Variants in GABPB1 observed in about 807,000 individuals in gnomAD.
The protein encoded by GABPB1 is GA-binding protein subunit beta-1.
In GABPB1, 15 loss-of-function variants were observed where a neutral mutation model predicts 45.9. The ratio of observed to expected loss-of-function variants is 0.33; its 90% confidence interval spans 0.22 to 0.50. GABPB1 has a LOEUF of 0.50. Ranked by LOEUF, GABPB1 falls within the 20% of genes least tolerant of loss-of-function variation. GABPB1 has a pLI of 0.98. For synonymous variants in GABPB1, 143 were observed against 154.4 expected, an observed-to-expected ratio of 0.93 and a Z score of 0.55; for missense variants, 252 against 457.5, an observed-to-expected ratio of 0.55 and a Z score of 4.10.
Position 50,301,357 on chromosome 15 carries a change from C to A in GABPB1, c.483G>T (p.Gln161His). 6.2e-7 allele frequency: 1 copy of A among 1,610,410 alleles called. No homozygotes were observed. Among genetic ancestry groups the A allele is most frequent in the Non-Finnish European group, 8.5e-7 (1 of 1,178,372 alleles). ...DLAEILQIAM[Q>H]NQINTNPESP... Reference sequence around the variant, plus strand: ...TCTCTGGGTTTGTGTTGATTTGGTTCTGCATAGCAATCTAGGGAAAAAATG... The same window carrying A: ...TCTCTGGGTTTGTGTTGATTTGGTTATGCATAGCAATCTAGGGAAAAAATG... Residue 161 changes from glutamine (Q) to histidine (H), a missense_variant, in exon 5 of 9, where the codon CAG becomes CAT. Gln to His is a conservative substitution (Grantham distance 24). Around this residue, in one of 4 missense-constraint regions of GABPB1, gnomAD observed 193 missense variants for 259.9 expected, o/e 0.74. Coordinates refer to ENST00000380877, the MANE Select transcript of GABPB1 (RefSeq NM_016654.5).
At chr15:50,316,044 C>T (rs1169323111) in intron 1 of GABPB1, among the ~76,000 whole-genome samples, 2 of 151,872 alleles carry the variant, frequency 1.3e-5, no homozygotes, top group Admixed American at 1.3e-4. Context: ...GCCTGGGCAA[C>T]AGAGCAAGAC....
intron 4 of GABPB1, among the ~76,000 whole-genome samples, chr15:50,302,380 C>T (rs1030622331): frequency 2.0e-5 from 3 of 152,034 alleles, no homozygotes; most frequent in Non-Finnish European, 2.9e-5. Flanking sequence ...CAGTGGCTCA[C>T]GCCTGTAATC....
intron 1 of GABPB1, among the ~76,000 whole-genome samples, chr15:50,316,879 T>G (rs1320325983): frequency 1.3e-5 from 2 of 152,170 alleles, no homozygotes; most frequent in Non-Finnish European, 2.9e-5. Context: ...TTTAGTTTAA[T>G]ATTATCAATT....
intron 1 of GABPB1, among the ~76,000 whole-genome samples, chr15:50,348,604 C>T (rs1396653376): frequency 6.6e-6 from 1 of 151,268 alleles, no homozygotes; most frequent in Non-Finnish European, 1.5e-5. Context: ...TGGCTCACAC[C>T]TGTAATTGCT....
chr15:50,282,502 C>T, intron 8 of GABPB1: 4 of 243,808 alleles, frequency 1.6e-5, no homozygotes, highest in Non-Finnish European at 3.2e-5. Flanking sequence ...TGCAGTGAGC[C>T]ATGATTGCAC....
chr15:50,289,965 T>G (rs1446514755), intron 6 of GABPB1, among the ~76,000 whole-genome samples: 1 of 151,952 alleles, frequency 6.6e-6, no homozygotes, highest in South Asian at 2.1e-4. Context: ...GATGGGGTCT[T>G]GCTATGTTGG....
intron 1 of GABPB1, among the ~76,000 whole-genome samples, chr15:50,346,587 G>GT (rs67151288): frequency 0.16 from 19,007 of 119,568 alleles, 3,170 homozygotes; most frequent in African/African-American, 0.37. Context: ...ACAACAGAAA[G>GT]TTTTTTTTTT....
chr15:50,294,813 G>A (rs2046459428), intron 6 of GABPB1, among the ~76,000 whole-genome samples: 1 of 151,868 alleles, frequency 6.6e-6, no homozygotes, highest in Admixed American at 6.6e-5. Flanking sequence ...CCCCTGTTTT[G>A]ACACATAAGA....
chr15:50,324,130 C>T (rs545955744), intron 1 of GABPB1, among the ~76,000 whole-genome samples: 1 of 151,994 alleles, frequency 6.6e-6, no homozygotes, highest in South Asian at 2.1e-4. Flanking sequence ...CTGAGCCCAG[C>T]GAGGTCAAGG....
At chr15:50,313,245 T>C (rs1054265795) in intron 1 of GABPB1, among the ~76,000 whole-genome samples, 7 of 151,982 alleles carry the variant, frequency 4.6e-5, no homozygotes, top group East Asian at 1.9e-4. Context: ...GAAAAGAAAA[T>C]AGAAATAATT....
At chr15:50,327,631 T>C (rs745671029) in intron 1 of GABPB1, among the ~76,000 whole-genome samples, 50 of 152,230 alleles carry the variant, frequency 3.3e-4, no homozygotes, top group Middle Eastern at 3.4e-3. Context: ...TGACCGGGCG[T>C]GGTGGCTCAT....
At position 50,348,512 on chromosome 15, in the gene GABPB1, A is replaced by C. The variant is rs2048692710; in HGVS notation, c.-1+6473T>G. Among the ~76,000 whole-genome samples the C allele has an allele frequency of 2.0e-5, 3 of 150,692 alleles. No individual in the cohort carries two copies. The South Asian group carries it at 6.5e-4, about 32-fold the overall frequency. ...GTGATCCGCCCGCCTCGGCCTCCCA[A>C]AGTGCTGGGATTACAGGCATGAGAC... On this transcript the variant is annotated intron_variant, in intron 1 of 8. Transcript: ENST00000380877.
intron 6 of GABPB1, among the ~76,000 whole-genome samples, chr15:50,300,346 C>T (rs2081628): frequency 0.47 from 70,891 of 150,564 alleles, 18,072 homozygotes; most frequent in Middle Eastern, 0.65. Flanking sequence ...TTGCCCCATT[C>T]TTCAGCCGGG....
At chr15:50,286,939 C>G (rs538197946) in intron 7 of GABPB1, among the ~76,000 whole-genome samples, 2 of 152,186 alleles carry the variant, frequency 1.3e-5, no homozygotes, top group East Asian at 3.9e-4. Context: ...AATTGTTCCA[C>G]GGCCTTTAAA....
intron 2 of GABPB1, among the ~76,000 whole-genome samples, chr15:50,304,725 A>T (rs891483489): frequency 1.3e-5 from 2 of 152,146 alleles, no homozygotes; most frequent in African/African-American, 4.8e-5. Flanking sequence ...AAAAAAAAAA[A>T]AAAAAGAAAT....
intron 4 of GABPB1, 77 bp from the exon 5 acceptor site, chr15:50,301,445 A>C: frequency 7.9e-7 from 1 of 1,265,862 alleles, no homozygotes; most frequent in Admixed American, 2.0e-5. Context: ...TAATACAAAC[A>C]CATATAAAGG....
intron 1 of GABPB1, among the ~76,000 whole-genome samples, chr15:50,337,369 A>G (rs1245730821): frequency 6.6e-6 from 1 of 151,894 alleles, no homozygotes; most frequent in Admixed American, 6.6e-5. Context: ...GCATTTTTTG[A>G]AAGACTAAGC....
intron 1 of GABPB1, among the ~76,000 whole-genome samples, chr15:50,344,690 T>C (rs1030488991): frequency 2.5e-4 from 38 of 151,816 alleles, no homozygotes; most frequent in African/African-American, 8.7e-4. Context: ...AATACAAAAT[T>C]AGCCAGGCAT....
chr15:50,302,061 G>A (rs1285564488), intron 4 of GABPB1, among the ~76,000 whole-genome samples: 2 of 152,084 alleles, frequency 1.3e-5, no homozygotes, highest in African/African-American at 4.8e-5. Flanking sequence ...GCTGGGATTG[G>A]GAACAAACAG....
Sources: gnomAD v4.1 joint callset for allele counts (sites outside exome capture counted in the v4.1 genomes callset) on GRCh38, gnomAD v4.1.1 for gene constraint, gnomAD v4.1.1 regional missense constraint, MANE v1.5 for transcripts, NCBI Gene and HGNC (gene_info 2026-07-23, HGNC 2026-07-21) for gene names.